The following CADM2 variants were observed in gnomAD, a reference collection of about 807,000 sequenced individuals.
CADM2 encodes cell adhesion molecule 2.
CADM2 carries 12 observed loss-of-function variants against 49.8 expected under a neutral mutation model. That is an observed-to-expected ratio of 0.24 (90% CI 0.15 to 0.39). The LOEUF (loss-of-function observed/expected upper bound fraction) is 0.39. Ranked by LOEUF, CADM2 falls within the 10% of genes least tolerant of loss-of-function variation. The pLI is 1.00. For synonymous variants in CADM2, 214 were observed against 175.4 expected, an observed-to-expected ratio of 1.22 and a Z score of -1.74; for missense variants, 378 against 492.3, an observed-to-expected ratio of 0.77 and a Z score of 2.20.
intron 1 of CADM2, among the ~76,000 whole-genome samples, chr3:85,112,515 A>G (rs2038495372): frequency 6.6e-6 from 1 of 151,914 alleles, no homozygotes; most frequent in African/African-American, 2.4e-5. Context: ...AGTAGGAGGA[A>G]AAGTCACTGC....
At chr3:85,654,488 T>A (rs557834973) in intron 1 of CADM2, among the ~76,000 whole-genome samples, 2 of 152,274 alleles carry the variant, frequency 1.3e-5, no homozygotes, top group South Asian at 4.1e-4. Flanking sequence ...GCAGAAGTTT[T>A]GTGAGTGTGC....
intron 1 of CADM2, among the ~76,000 whole-genome samples, chr3:85,357,079 A>G (rs1237717382): frequency 6.6e-6 from 1 of 152,038 alleles, no homozygotes; most frequent in Non-Finnish European, 1.5e-5. Flanking sequence ...AAATTTTGTT[A>G]TTCTTGTTTT....
chr3:85,440,525 T>A (rs959636015), intron 1 of CADM2, among the ~76,000 whole-genome samples: 2 of 152,172 alleles, frequency 1.3e-5, no homozygotes, highest in Admixed American at 6.5e-5. Flanking sequence ...CAGGTCTTAT[T>A]TTGCCATTGA....
intron 1 of CADM2, among the ~76,000 whole-genome samples, chr3:85,317,332 G>T (rs1258613272): frequency 6.6e-6 from 1 of 152,092 alleles, no homozygotes. Flanking sequence ...TATATTTTGT[G>T]AAGAAATGCC....
chr3:85,531,379 C>T (rs1239427760), intron 1 of CADM2, among the ~76,000 whole-genome samples: 1 of 152,088 alleles, frequency 6.6e-6, no homozygotes, highest in Non-Finnish European at 1.5e-5. Context: ...ATTTTTTTGA[C>T]AGTATGAACT....
chr3:85,610,529 G>C (rs921288209), intron 1 of CADM2, among the ~76,000 whole-genome samples: 2 of 151,954 alleles, frequency 1.3e-5, no homozygotes, highest in Non-Finnish European at 2.9e-5. Context: ...GAGTGCTTAC[G>C]ATGCACCAGG....
In CADM2 at chr3:84,959,492, G is replaced by C; in HGVS notation, c.-116G>C. 3.0e-6 allele frequency: 3 copies of C among 1,000,048 alleles called. No homozygotes were observed. The highest frequency in any genetic ancestry group is 4.4e-6 in the Non-Finnish European group (3 of 675,978). 61.9% of individuals were successfully genotyped at this position (1,000,048 alleles called of 1,614,324 possible). A position where few individuals can be genotyped will look rare whatever the true frequency, so the allele number is the denominator to read the frequency against. ...GTTCGAACACCGCAGCGGTGGGGAC[G>C]GTGGGTCCGGCGGGCGCCGGGAGGA... On this transcript the variant is annotated 5_prime_UTR_variant, in exon 1 of 10. Coordinates refer to ENST00000383699, the MANE Select transcript of CADM2 (RefSeq NM_001167675.2).
intron 1 of CADM2, among the ~76,000 whole-genome samples, chr3:85,226,717 G>A (rs936965514): frequency 6.6e-6 from 1 of 151,886 alleles, no homozygotes; most frequent in African/African-American, 2.4e-5. Flanking sequence ...TAATTTTGAT[G>A]TTAGATTGTC....
At chr3:85,374,288 TCCACAGGTCTCTA>T in intron 1 of CADM2, among the ~76,000 whole-genome samples, 1 of 152,264 alleles carries the variant, frequency 6.6e-6, no homozygotes, top group East Asian at 1.9e-4. Context: ...AATTCCAAGT[TCCACAGGTCTCTA>T]GGGCTGGGGC....
intron 1 of CADM2, among the ~76,000 whole-genome samples, chr3:85,479,935 G>T (rs1440197269): frequency 6.6e-6 from 1 of 151,734 alleles, no homozygotes; most frequent in Non-Finnish European, 1.5e-5. Flanking sequence ...TTCTATATTT[G>T]GTTTACCACG....
At chr3:85,728,704 C>T (rs183707061) in intron 2 of CADM2, among the ~76,000 whole-genome samples, 10 of 152,190 alleles carry the variant, frequency 6.6e-5, no homozygotes, top group East Asian at 1.9e-4. Flanking sequence ...TATGGAATCA[C>T]GCAAATGTGG....
chr3:85,394,129 CTG>C (rs545198738), intron 1 of CADM2, among the ~76,000 whole-genome samples: 9 of 152,218 alleles, frequency 5.9e-5, no homozygotes, highest in African/African-American at 1.9e-4. Context: ...TAGCCGAAAA[CTG>C]TGTTTTTAAA....
chr3:85,451,214 A>G (rs561839238), intron 1 of CADM2, among the ~76,000 whole-genome samples: 12 of 152,226 alleles, frequency 7.9e-5, no homozygotes, highest in African/African-American at 2.6e-4. Context: ...ATATGGGATA[A>G]TTAAAAGACC....
chr3:85,979,387 T>C, intron 8 of CADM2: 4 of 1,323,330 alleles, frequency 3.0e-6, no homozygotes, highest in Non-Finnish European at 4.1e-6. Flanking sequence ...TACTTAATTA[T>C]GAGAAGTAAT....
At chr3:85,953,072 T>C (rs1405948321) in intron 7 of CADM2, among the ~76,000 whole-genome samples, 2 of 150,902 alleles carry the variant, frequency 1.3e-5, no homozygotes, top group Non-Finnish European at 3.0e-5. Context: ...TTTGTTCATG[T>C]TGCTCCTGTT....
intron 1 of CADM2, among the ~76,000 whole-genome samples, chr3:85,122,168 T>TA (rs2038887674): frequency 6.6e-6 from 1 of 152,122 alleles, no homozygotes; most frequent in South Asian, 2.1e-4. Flanking sequence ...CCTCCTCAAA[T>TA]AAAAAGCCTT....
At position 84,959,537 on chromosome 3, in the gene CADM2, C is replaced by T. The variant is rs1278752766; in HGVS notation, c.-71C>T. On this transcript the variant is annotated 5_prime_UTR_variant, in exon 1 of 10. Coordinates refer to ENST00000383699, the MANE Select transcript of CADM2 (RefSeq NM_001167675.2). Reference sequence around the variant, plus strand: ...GGAGGAGGACACCAGCGGAGCCCTGCACTCTCGTGCCCCGCTCACCAGCAT... The same window carrying T: ...GGAGGAGGACACCAGCGGAGCCCTGTACTCTCGTGCCCCGCTCACCAGCAT... 5.0e-6 allele frequency: 7 copies of T among 1,405,452 alleles called. No homozygotes were observed. Among genetic ancestry groups the T allele is most frequent in the African/African-American group, 1.4e-5 (1 of 70,346 alleles). The allele number at this position is 1,405,452 out of a possible 1,614,324, so 87.1% of individuals were successfully genotyped here. A position where few individuals can be genotyped will look rare whatever the true frequency, so the allele number is the denominator to read the frequency against.
At chr3:85,737,942 G>A (rs1468132445) in intron 2 of CADM2, among the ~76,000 whole-genome samples, 2 of 152,218 alleles carry the variant, frequency 1.3e-5, no homozygotes, top group African/African-American at 2.4e-5. Flanking sequence ...AAACGTTTCC[G>A]TGTAATCTGT....
chr3:85,055,305 A>G (rs931783601), intron 1 of CADM2, among the ~76,000 whole-genome samples: 4 of 152,010 alleles, frequency 2.6e-5, no homozygotes, highest in East Asian at 1.9e-4. Flanking sequence ...ACATGAAACT[A>G]TTCATGTGGC....
Sources: gnomAD v4.1 joint callset for allele counts (sites outside exome capture counted in the v4.1 genomes callset) on GRCh38, gnomAD v4.1.1 for gene constraint, MANE v1.5 for transcripts, NCBI Gene and HGNC (gene_info 2026-07-23, HGNC 2026-07-21) for gene names.